FBN1: variants seen among roughly 807,000 people sequenced by gnomAD.
FBN1 encodes the protein fibrillin-1.
FBN1 carries 29 observed loss-of-function variants against 365.1 expected under a neutral mutation model. The observed-to-expected ratio is 0.08, with a 90% CI of 0.06 to 0.11. FBN1 has a LOEUF of 0.11. FBN1 is among the 10% of genes least tolerant of loss of function. The pLI is 1.00. For synonymous variants in FBN1, 1,210 were observed against 1,270.5 expected (o/e 0.95, Z 1.01); for missense variants, 2,476 against 3,703.2 (o/e 0.67, Z 8.60).
chr15:48,457,469 C>T (rs2043249900), intron 43 of FBN1, among the ~76,000 whole-genome samples: 2 of 152,022 alleles, frequency 1.3e-5, no homozygotes, highest in South Asian at 2.1e-4. Flanking sequence ...TGTTGGTGAG[C>T]ACTAAAACAG....
intron 61 of FBN1, 52 bp from the exon 62 acceptor site, chr15:48,421,738 T>C (rs751644137): frequency 6.3e-7 from 1 of 1,593,008 alleles, no homozygotes; most frequent in African/African-American, 1.3e-5. Context: ...AAAGCTCTCT[T>C]TGTATCATTT....
chr15:48,545,801 C>T (rs551014310), intron 6 of FBN1, among the ~76,000 whole-genome samples: 13 of 152,222 alleles, frequency 8.5e-5, no homozygotes, highest in Admixed American at 3.9e-4. Flanking sequence ...GCAGGTGGAT[C>T]GCTTCAGCCC....
At chr15:48,454,490 A>G (rs568771777) in intron 44 of FBN1, among the ~76,000 whole-genome samples, 6 of 152,334 alleles carry the variant, frequency 3.9e-5, no homozygotes, top group Middle Eastern at 3.4e-3. Flanking sequence ...AGATACTAAT[A>G]TAGTTCAAAT....
intron 64 of FBN1, among the ~76,000 whole-genome samples, chr15:48,415,330 A>C (rs1024518837): frequency 6.6e-6 from 1 of 152,240 alleles, no homozygotes; most frequent in African/African-American, 2.4e-5. Context: ...ATGTAGTTTC[A>C]TTACTTTGTT....
chr15:48,484,874 T>C (rs1475086261), intron 30 of FBN1, among the ~76,000 whole-genome samples: 1 of 152,212 alleles, frequency 6.6e-6, no homozygotes, highest in East Asian at 1.9e-4. Context: ...AAAGGAAGTG[T>C]AAATTAGACC....
chr15:48,580,724 G>A (rs548373773), intron 6 of FBN1, among the ~76,000 whole-genome samples: 1 of 152,260 alleles, frequency 6.6e-6, no homozygotes, highest in East Asian at 1.9e-4. Flanking sequence ...AAAACTGATA[G>A]TACATTAATC....
Position 48,617,018 on chromosome 15 carries a change from G to A in FBN1, c.165-3926C>T, listed in dbSNP as rs182097677. ...AAGAAGCCTCCTGATTCTAGAGTAC[G>A]CTCTCCTAACCTTATGTTAAGTCAA... is the stretch of plus-strand genomic sequence containing the variant. On this transcript the variant is annotated intron_variant, in intron 2 of 65. Coordinates refer to ENST00000316623, the MANE Select transcript of FBN1 (RefSeq NM_000138.5). Among the ~76,000 whole-genome samples the A allele has an allele frequency of 2.7e-4, 41 of 152,198 alleles. 1 individual carries two copies. In the East Asian group the frequency reaches 4.8e-3, roughly 18 times the overall value.
chr15:48,637,818 C>T (rs561435297), intron 2 of FBN1, among the ~76,000 whole-genome samples: 15 of 152,248 alleles, frequency 9.9e-5, no homozygotes, highest in African/African-American at 3.1e-4. Flanking sequence ...CTTTTTATCA[C>T]GTAGATCAGA....
chr15:48,543,738 C>T (rs589668), intron 6 of FBN1, among the ~76,000 whole-genome samples: 50,233 of 151,976 alleles, frequency 0.33, 9,383 homozygotes, highest in African/African-American at 0.52. Flanking sequence ...CAAAACTCAA[C>T]TGGATACTGT....
Position 48,518,097 on chromosome 15 carries a change from T to C in FBN1, c.1148-1735A>G, listed in dbSNP as rs1183156045. Reference sequence around the variant, plus strand: ...CATTTTAATTACGATTTCACTGGAATTTCAAATTACAGAGATACTGACGTA... The same window carrying C: ...CATTTTAATTACGATTTCACTGGAACTTCAAATTACAGAGATACTGACGTA... On this transcript the variant is annotated intron_variant, in intron 10 of 65. Transcript: ENST00000316623. Among the ~76,000 whole-genome samples, 3 of 152,246 alleles carry C rather than the reference T, an allele frequency of 2.0e-5. No individual in the cohort carries two copies. The East Asian group carries it at 5.8e-4, about 29-fold the overall frequency.
In FBN1 at chr15:48,415,654, C is replaced by G. The variant is rs1206691178; in HGVS notation, c.7933G>C (p.Gly2645Arg). Residue 2645 changes from glycine (G) to arginine (R), a missense_variant, in exon 64 of 66, where the codon GGA becomes CGA. Coordinates refer to ENST00000316623, the MANE Select transcript of FBN1 (RefSeq NM_000138.5). Reference protein sequence around the residue: ...AGFQYEQFSGGCQDINECGSA... With the variant: ...AGFQYEQFSGRCQDINECGSA... ...CCACATTCATTGATGTCTTGGCATC[C>G]TCCACTGAACTGTTCATACTGGAAG... 6.2e-7 allele frequency: 1 copy of G among 1,614,224 alleles called. No individual in the cohort carries two copies. Among genetic ancestry groups the G allele is most frequent in the South Asian group, 1.1e-5 (1 of 91,082 alleles).
chr15:48,470,063 T>C (rs2043358202), intron 36 of FBN1, among the ~76,000 whole-genome samples: 1 of 152,156 alleles, frequency 6.6e-6, no homozygotes, highest in Admixed American at 6.5e-5. Context: ...TTTCAAAGTC[T>C]TAGTGCCAAA....
chr15:48,545,291 C>T (rs1197377811), intron 6 of FBN1, among the ~76,000 whole-genome samples: 1 of 151,890 alleles, frequency 6.6e-6, no homozygotes, highest in Non-Finnish European at 1.5e-5. Flanking sequence ...TGTTTATTTT[C>T]CAAAAATAAG....
intron 58 of FBN1, 72 bp downstream of exon 58, chr15:48,427,495 T>G (rs1246408656): frequency 1.3e-6 from 2 of 1,495,098 alleles, no homozygotes; most frequent in East Asian, 4.5e-5. Context: ...ACTCCATATT[T>G]TCATCTGTGT....
At chr15:48,488,019 G>C (rs968444542) in intron 27 of FBN1, 94 bp downstream of exon 27, 1 of 1,522,518 alleles carries the variant, frequency 6.6e-7, no homozygotes, top group Admixed American at 1.7e-5. Flanking sequence ...GGTTGCACTG[G>C]GGCAGCAGGA....
chr15:48,472,591 G>A lies in FBN1; in HGVS notation c.4296C>T (p.Asp1432=). ...NAPGGYRCEC[D]MGFVPSADGK... ...CGTCAGCACTGGGCACGAAGCCCAT[G>A]TCGCATTCACAGCGGTATCCTCCTG... Residue 1432 remains aspartate, a synonymous_variant, in exon 35 of 66, where the codon GAC becomes GAT. Transcript: ENST00000316623. 1 of 1,614,060 alleles carries A rather than the reference G, an allele frequency of 6.2e-7. No homozygotes were observed. Among genetic ancestry groups the A allele is most frequent in the Non-Finnish European group, 8.5e-7 (1 of 1,180,006 alleles).
chr15:48,481,452 T>A (rs1043764450), intron 32 of FBN1, among the ~76,000 whole-genome samples: 1 of 152,034 alleles, frequency 6.6e-6, no homozygotes, highest in African/African-American at 2.4e-5. Flanking sequence ...CCCCCACAGG[T>A]CAAGAAAAAA....
At chr15:48,523,721 G>GA in intron 9 of FBN1, among the ~76,000 whole-genome samples, 1 of 147,638 alleles carries the variant, frequency 6.8e-6, no homozygotes, top group African/African-American at 2.5e-5. Flanking sequence ...GGGGGGGGGG[G>GA]GGAACCGTTG....
At chr15:48,536,120 C>A (rs199538139) in intron 7 of FBN1, among the ~76,000 whole-genome samples, 12 of 145,020 alleles carry the variant, frequency 8.3e-5, no homozygotes, top group East Asian at 3.3e-4. Flanking sequence ...TTAGAAAAAA[C>A]AACAACAACA....
Sources: gnomAD v4.1 joint callset for allele counts (sites outside exome capture counted in the v4.1 genomes callset) on GRCh38, gnomAD v4.1.1 for gene constraint, MANE v1.5 for transcripts, NCBI Gene and HGNC (gene_info 2026-07-23, HGNC 2026-07-21) for gene names.